NXPE4: variants seen among roughly 807,000 people sequenced by gnomAD.
The protein encoded by NXPE4 is neurexophilin and PC-esterase domain family member 4.
NXPE4 carries 42 observed loss-of-function variants against 33.3 expected under a neutral mutation model. The ratio of observed to expected loss-of-function variants is 1.26; its 90% CI spans 0.98 to 1.63. The LOEUF is 1.63. Ranked by LOEUF, NXPE4 falls within the 40% of genes most tolerant of loss-of-function variation. The pLI, the probability that NXPE4 is intolerant of heterozygous loss-of-function variation, is 0.00. For synonymous variants in NXPE4, 253 were observed against 234.9 expected (o/e 1.08, Z -0.71); for missense variants, 709 against 647.6 (o/e 1.09, Z -1.03).
the NXPE4 span, among the ~76,000 whole-genome samples, chr11:114,609,121 C>T: frequency 5.1e-4 from 77 of 151,388 alleles, 1 homozygote; most frequent in African/African-American, 1.7e-3. Context: ...TACTGTTACC[C>T]GGTGGATAAT....
chr11:114,641,388 G>A, the NXPE4 span, among the ~76,000 whole-genome samples: 6 of 152,110 alleles, frequency 3.9e-5, no homozygotes, highest in South Asian at 1.2e-3. Flanking sequence ...AGTCACAAAG[G>A]AAATCTCAGC....
At chr11:114,578,222 T>G (rs1225310737) in intron 5 of NXPE4, among the ~76,000 whole-genome samples, 1 of 152,136 alleles carries the variant, frequency 6.6e-6, no homozygotes, top group Non-Finnish European at 1.5e-5. Context: ...GTAGGGTGAG[T>G]TGGAAGAAAA....
the NXPE4 span, among the ~76,000 whole-genome samples, chr11:114,650,171 A>G: frequency 6.6e-6 from 1 of 152,230 alleles, no homozygotes; most frequent in African/African-American, 2.4e-5. Context: ...TCTAAAGAGG[A>G]ACAAGCCCTT....
the NXPE4 span, among the ~76,000 whole-genome samples, chr11:114,664,758 T>TA: frequency 6.6e-6 from 1 of 152,188 alleles, no homozygotes; most frequent in African/African-American, 2.4e-5. Flanking sequence ...TCTGTTCCCC[T>TA]AGCAATATGC....
At chr11:114,647,042 T>C in the NXPE4 span, among the ~76,000 whole-genome samples, 417 of 152,292 alleles carry the variant, frequency 2.7e-3, no homozygotes, top group African/African-American at 8.8e-3. Flanking sequence ...TTGGGTCTCA[T>C]CTCCTAAAGC....
At chr11:114,633,657 T>C in the NXPE4 span, among the ~76,000 whole-genome samples, 1 of 150,872 alleles carries the variant, frequency 6.6e-6, no homozygotes. Context: ...ATGTTCCCCT[T>C]CCTGTGTCCA....
At chr11:114,639,567 G>A in the NXPE4 span, among the ~76,000 whole-genome samples, 8 of 150,520 alleles carry the variant, frequency 5.3e-5, no homozygotes, top group Non-Finnish European at 1.2e-4. Flanking sequence ...CATCGCTCAG[G>A]CCGGGAGCTG....
chr11:114,601,986 A>T, the NXPE4 span, among the ~76,000 whole-genome samples: 1 of 87,806 alleles, frequency 1.1e-5, no homozygotes, highest in South Asian at 3.7e-4. Flanking sequence ...GTTATATATA[A>T]TATATAATGT....
At chr11:114,643,343 C>T in the NXPE4 span, among the ~76,000 whole-genome samples, 1 of 152,080 alleles carries the variant, frequency 6.6e-6, no homozygotes, top group Non-Finnish European at 1.5e-5. Flanking sequence ...TGCCTACATC[C>T]TGAATGGTAC....
At chr11:114,584,946 G>A (rs537127686) in intron 2 of NXPE4, among the ~76,000 whole-genome samples, 1 of 152,240 alleles carries the variant, frequency 6.6e-6, no homozygotes, top group Admixed American at 6.5e-5. Context: ...CCAGGTCTGG[G>A]TGAAGGGAAT....
chr11:114,577,189 T>TAC (rs1467047373), intron 5 of NXPE4, among the ~76,000 whole-genome samples: 4 of 147,478 alleles, frequency 2.7e-5, no homozygotes, highest in Non-Finnish European at 4.5e-5. Context: ...TAAAATGTTA[T>TAC]ACACACACAC....
upstream of NXPE4, among the ~76,000 whole-genome samples, chr11:114,597,364 A>C (rs907855933): frequency 9.2e-5 from 14 of 152,208 alleles, no homozygotes; most frequent in African/African-American, 3.4e-4. Flanking sequence ...GGGGTGGACA[A>C]ACTTTTTCTG....
chr11:114,635,026 T>A, the NXPE4 span, among the ~76,000 whole-genome samples: 187 of 152,108 alleles, frequency 1.2e-3, 2 homozygotes, highest in Admixed American at 5.8e-3. Context: ...TTGATGGGGA[T>A]GGCATTGAGT....
At chr11:114,633,133 C>T in the NXPE4 span, among the ~76,000 whole-genome samples, 6 of 116,142 alleles carry the variant, frequency 5.2e-5, no homozygotes, top group African/African-American at 1.4e-4. Context: ...ATTTATATTT[C>T]ATATATTATT....
chr11:114,576,885 C>T (rs1020726068), intron 5 of NXPE4, among the ~76,000 whole-genome samples: 1 of 150,830 alleles, frequency 6.6e-6, no homozygotes, highest in Non-Finnish European at 1.5e-5. Flanking sequence ...AATACTTGTA[C>T]ACACATGTTT....
chr11:114,634,223 G>A, the NXPE4 span, among the ~76,000 whole-genome samples: 1 of 151,846 alleles, frequency 6.6e-6, no homozygotes, highest in Non-Finnish European at 1.5e-5. Context: ...GTGATGGTGA[G>A]CATTTTTTCA....
At chr11:114,633,227 AAT>A in the NXPE4 span, among the ~76,000 whole-genome samples, 2 of 132,080 alleles carry the variant, frequency 1.5e-5, no homozygotes, top group African/African-American at 5.7e-5. Context: ...TATATATATA[AAT>A]ATATGTAACA....
At chr11:114,658,623 A>G in the NXPE4 span, among the ~76,000 whole-genome samples, 1 of 152,208 alleles carries the variant, frequency 6.6e-6, no homozygotes, top group African/African-American at 2.4e-5. Flanking sequence ...CAAGACACAT[A>G]TGAAGATCCC....
chr11:114,609,836 G>A, the NXPE4 span, among the ~76,000 whole-genome samples: 10 of 151,380 alleles, frequency 6.6e-5, no homozygotes, highest in South Asian at 2.1e-4. Context: ...ATGGTAACCC[G>A]ATGGATAATA....
Sources: gnomAD v4.1 joint callset for allele counts (sites outside exome capture counted in the v4.1 genomes callset) on GRCh38, gnomAD v4.1.1 for gene constraint, MANE v1.5 for transcripts, NCBI Gene and HGNC (gene_info 2026-07-23, HGNC 2026-07-21) for gene names.